The following FRMPD4 variants were observed in gnomAD, a reference collection of about 807,000 sequenced individuals.
The protein encoded by FRMPD4 is FERM and PDZ domain-containing protein 4.
FRMPD4 carries 22 observed loss-of-function variants against 94.1 expected under a neutral mutation model. The ratio of observed to expected loss-of-function variants is 0.23; its 90% CI spans 0.17 to 0.33. The LOEUF is 0.33. Ranked by LOEUF, FRMPD4 falls within the 10% of genes least tolerant of loss-of-function variation. The probability of loss-of-function intolerance (pLI) is 1.00; values close to 1 mark genes in which losing one functional copy is unlikely to be tolerated. For missense variants in FRMPD4, 1,111 were observed against 1,339.9 expected (o/e 0.83, Z 2.67); for synonymous variants, 631 against 548.6 (o/e 1.15, Z -2.10).
chrX:12,324,075 C>A (rs1168827449), intron 1 of FRMPD4, among the ~76,000 whole-genome samples: 2 of 111,963 alleles, frequency 1.8e-5, no homozygotes, highest in Non-Finnish European at 3.8e-5. Flanking sequence ...TTCTTTCCCT[C>A]TCCAAGGTCT....
At chrX:12,138,155 G>A (rs969440608), upstream of FRMPD4, among the ~76,000 whole-genome samples, 4 of 112,384 alleles carry the variant, frequency 3.6e-5, no homozygotes, top group Non-Finnish European at 7.5e-5. Flanking sequence ...TCCCCGAATC[G>A]AGCCCGCTGC....
intron 3 of FRMPD4, among the ~76,000 whole-genome samples, chrX:11,914,901 T>G (rs963818356): frequency 3.6e-5 from 4 of 112,608 alleles, no homozygotes; most frequent in Non-Finnish European, 7.5e-5. Flanking sequence ...TTAGACATTT[T>G]CACGTTGAGA....
At chrX:12,181,788 G>T (rs1400457166) in intron 1 of FRMPD4, among the ~76,000 whole-genome samples, 1 of 111,602 alleles carries the variant, frequency 9.0e-6, no homozygotes, top group African/African-American at 3.3e-5. Context: ...AAACTTCAGA[G>T]GCTGCATGCC....
chrX:12,633,101 T>A (rs1411402935), intron 4 of FRMPD4, among the ~76,000 whole-genome samples: 2 of 112,009 alleles, frequency 1.8e-5, no homozygotes, highest in Non-Finnish European at 3.8e-5. Flanking sequence ...GTGCTGACTG[T>A]GTACAGGATT....
At chrX:12,116,468 G>A (rs1158230937) in intron 3 of FRMPD4, among the ~76,000 whole-genome samples, 1 of 112,340 alleles carries the variant, frequency 8.9e-6, no homozygotes, top group Non-Finnish European at 1.9e-5. Context: ...ACCACATGGT[G>A]CTTTTACCTT....
rs1413432343 is a variant in FRMPD4, at chrX:12,675,426, A to T, written c.468+518A>T. On this transcript the variant is annotated intron_variant, in intron 5 of 16. Transcript: ENST00000675598. ...AAAACTGGACAGTTCTTGTGATTTA[A>T]AAAAAAAAAAAAAAACGACTTTATC... Among the ~76,000 whole-genome samples the T allele has an allele frequency of 2.0e-4, 7 of 34,235 alleles. No individual in the cohort carries two copies. The African/African-American group carries it at 2.6e-3, about 13-fold the overall frequency. The allele number at this position is 34,235 out of a possible 115,157, so 29.7% of individuals were successfully genotyped here.
At chrX:12,019,519 A>G (rs902490523) in intron 3 of FRMPD4, among the ~76,000 whole-genome samples, 7 of 110,810 alleles carry the variant, frequency 6.3e-5, no homozygotes, top group Admixed American at 9.6e-5. Context: ...GTTACTCCCA[A>G]TATAAAAGAG....
chrX:12,414,146 A>G (rs1172157630), intron 1 of FRMPD4, among the ~76,000 whole-genome samples: 1 of 112,622 alleles, frequency 8.9e-6, no homozygotes, highest in Admixed American at 9.4e-5. Context: ...TGATCATTTA[A>G]TATGCATTGC....
intron 1 of FRMPD4, among the ~76,000 whole-genome samples, chrX:12,465,262 G>T (rs1397927618): frequency 8.9e-6 from 1 of 111,834 alleles, no homozygotes; most frequent in African/African-American, 3.2e-5. Flanking sequence ...GGTTGGATAA[G>T]GTGCTCATTT....
At chrX:12,577,497 AGAGT>A (rs1157364062) in intron 2 of FRMPD4, among the ~76,000 whole-genome samples, 1 of 110,676 alleles carries the variant, frequency 9.0e-6, no homozygotes, top group African/African-American at 3.3e-5. Flanking sequence ...CAAGGAGATG[AGAGT>A]GTGTGGGGAG....
chrX:11,916,979 T>A (rs1415120858), intron 3 of FRMPD4, among the ~76,000 whole-genome samples: 1 of 111,827 alleles, frequency 8.9e-6, no homozygotes, highest in Non-Finnish European at 1.9e-5. Context: ...GGGCTGAGGC[T>A]GGGGCTGTAC....
At chrX:12,025,820 T>C (rs2054657619) in intron 3 of FRMPD4, among the ~76,000 whole-genome samples, 1 of 111,959 alleles carries the variant, frequency 8.9e-6, no homozygotes, top group Non-Finnish European at 1.9e-5. Flanking sequence ...CTGCCACAGT[T>C]AAGCCTGATG....
At chrX:12,435,701 A>T (rs2057058920) in intron 1 of FRMPD4, among the ~76,000 whole-genome samples, 1 of 111,649 alleles carries the variant, frequency 9.0e-6, no homozygotes, top group African/African-American at 3.2e-5. Flanking sequence ...TGGTTATGCT[A>T]GTCTCTAGAA....
chrX:12,637,510 A>G (rs775635938), intron 4 of FRMPD4, among the ~76,000 whole-genome samples: 4 of 111,273 alleles, frequency 3.6e-5, no homozygotes, highest in Non-Finnish European at 3.8e-5. Context: ...TCTCCACAAA[A>G]CATTTCTTAA....
chrX:12,296,306 G>A (rs918206061), intron 1 of FRMPD4, among the ~76,000 whole-genome samples: 3 of 111,798 alleles, frequency 2.7e-5, no homozygotes, highest in African/African-American at 9.8e-5. Context: ...CTAACCTAAG[G>A]GCAGTAGTAT....
intron 3 of FRMPD4, among the ~76,000 whole-genome samples, chrX:12,129,273 G>A (rs2055526354): frequency 8.9e-6 from 1 of 111,803 alleles, no homozygotes; most frequent in Admixed American, 9.5e-5. Context: ...GGAGGCCTCA[G>A]GAAACTTACA....
chrX:12,051,055 G>T (rs919744404), intron 3 of FRMPD4, among the ~76,000 whole-genome samples: 4 of 111,308 alleles, frequency 3.6e-5, no homozygotes, highest in African/African-American at 1.3e-4. Flanking sequence ...AAAGCACATT[G>T]CATAAAGATA....
At chrX:12,054,768 G>A (rs779296407) in intron 3 of FRMPD4, 49 of 111,785 alleles carry the variant, frequency 4.4e-4, no homozygotes, top group Non-Finnish European at 7.3e-4. Flanking sequence ...AAATGGAAAG[G>A]AAGTGTATAT....
chrX:12,596,810 G>A (rs1212810423), intron 2 of FRMPD4, among the ~76,000 whole-genome samples: 1 of 111,563 alleles, frequency 9.0e-6, no homozygotes, highest in African/African-American at 3.3e-5. Context: ...ATTTTGATAA[G>A]GGTATTCAAA....
Sources: allele counts gnomAD v4.1 joint callset (sites outside exome capture counted in the v4.1 genomes callset), GRCh38; gene constraint gnomAD v4.1.1; transcripts MANE v1.5; gene names NCBI Gene and HGNC (gene_info 2026-07-23, HGNC 2026-07-21).